MEIKIN: variants seen among roughly 807,000 people sequenced by gnomAD.
The protein encoded by MEIKIN is meiosis-specific kinetochore protein.
intron 4 of MEIKIN, among the ~76,000 whole-genome samples, chr5:131,935,205 A>G (rs1254383938): frequency 7.0e-6 from 1 of 142,806 alleles, no homozygotes; most frequent in African/African-American, 2.6e-5. Flanking sequence ...CCAAGGTGAG[A>G]GGATCATCTG....
intron 11 of MEIKIN, among the ~76,000 whole-genome samples, chr5:131,830,799 G>A (rs1342620197): frequency 6.6e-6 from 1 of 152,176 alleles, no homozygotes; most frequent in African/African-American, 2.4e-5. Flanking sequence ...ATGAGTGGAA[G>A]TCTGTTTCTT....
At chr5:131,891,543 TG>T (rs1471815366) in intron 8 of MEIKIN, among the ~76,000 whole-genome samples, 1 of 152,224 alleles carries the variant, frequency 6.6e-6, no homozygotes, top group Non-Finnish European at 1.5e-5. Flanking sequence ...TTGCAACCCC[TG>T]CCTTTTTTTG....
At chr5:131,904,583 C>T (rs1419373684) in intron 8 of MEIKIN, among the ~76,000 whole-genome samples, 3 of 152,246 alleles carry the variant, frequency 2.0e-5, no homozygotes, top group East Asian at 1.9e-4. Context: ...GACAGTGTGG[C>T]GATTCCTCAA....
chr5:131,818,466 G>C (rs1247830307), intron 12 of MEIKIN, among the ~76,000 whole-genome samples: 2 of 151,858 alleles, frequency 1.3e-5, no homozygotes, highest in Non-Finnish European at 2.9e-5. Flanking sequence ...TGTCACTCAG[G>C]CTGGAGTGCA....
intron 8 of MEIKIN, among the ~76,000 whole-genome samples, chr5:131,894,741 A>C (rs1187337995): frequency 6.6e-6 from 1 of 152,146 alleles, no homozygotes; most frequent in Non-Finnish European, 1.5e-5. Context: ...ATTTTTGCAC[A>C]TTGATTTTGT....
chr5:131,870,689 T>C (rs563533023), intron 9 of MEIKIN, among the ~76,000 whole-genome samples: 1 of 152,304 alleles, frequency 6.6e-6, no homozygotes, highest in Admixed American at 6.5e-5. Flanking sequence ...TTAACATTTC[T>C]TATTCCTTCA....
intron 11 of MEIKIN, among the ~76,000 whole-genome samples, chr5:131,845,969 C>T (rs1750011619): frequency 6.6e-6 from 1 of 152,156 alleles, no homozygotes; most frequent in African/African-American, 2.4e-5. Flanking sequence ...CTGAAAGACA[C>T]CCACACTTAT....
In MEIKIN at chr5:131,938,524, G is replaced by C. The variant is rs149877720; in HGVS notation, c.349+4111C>G. Among the ~76,000 whole-genome samples the C allele has an allele frequency of 3.7e-3, 570 of 152,238 alleles. 4 individuals are homozygous for C. Among genetic ancestry groups the C allele is most frequent in the African/African-American group, 0.013 (540 of 41,530 alleles). ...GGTTTTTTTGTAGACTTATGGAGTT[G>C]TGTCACCACTGATGCTATTTCTATC... is the stretch of plus-strand genomic sequence containing the variant. On this transcript the variant is annotated intron_variant, in intron 4 of 12. Transcript: ENST00000442687.
intron 11 of MEIKIN, among the ~76,000 whole-genome samples, chr5:131,834,659 A>T (rs560622562): frequency 2.0e-5 from 3 of 152,140 alleles, no homozygotes; most frequent in African/African-American, 7.2e-5. Context: ...TTCTTTTCTA[A>T]TAGCTGATTG....
intron 8 of MEIKIN, among the ~76,000 whole-genome samples, chr5:131,898,290 T>C (rs1260075400): frequency 6.6e-6 from 1 of 152,176 alleles, no homozygotes; most frequent in African/African-American, 2.4e-5. Flanking sequence ...ATCCTTCCTC[T>C]GGAAGCTTTG....
intron 9 of MEIKIN, among the ~76,000 whole-genome samples, chr5:131,860,738 T>C (rs920330116): frequency 1.8e-4 from 26 of 143,728 alleles, no homozygotes; most frequent in Non-Finnish European, 3.3e-4. Context: ...TGAGCCACCA[T>C]GCCCAGCCTG....
At chr5:131,821,813 T>TG (rs1749512288) in intron 11 of MEIKIN, among the ~76,000 whole-genome samples, 1 of 151,722 alleles carries the variant, frequency 6.6e-6, no homozygotes, top group Admixed American at 6.6e-5. Context: ...TTTGGAGACA[T>TG]GGGGTCTCAC....
intron 9 of MEIKIN, among the ~76,000 whole-genome samples, chr5:131,860,978 G>A (rs533739192): frequency 2.0e-5 from 3 of 150,580 alleles, no homozygotes; most frequent in African/African-American, 7.3e-5. Context: ...GGCCAGGCTG[G>A]TCTCCAACTC....
intron 11 of MEIKIN, among the ~76,000 whole-genome samples, chr5:131,843,620 G>A (rs749915709): frequency 1.3e-5 from 2 of 152,210 alleles, no homozygotes; most frequent in Non-Finnish European, 2.9e-5. Context: ...CTAAAGCATA[G>A]CAAGAGTAAC....
chr5:131,863,089 T>C (rs1466059366), intron 9 of MEIKIN, among the ~76,000 whole-genome samples: 1 of 152,214 alleles, frequency 6.6e-6, no homozygotes, highest in Admixed American at 6.5e-5. Context: ...AAGTACTGTA[T>C]AGTTTCCAAA....
At chr5:131,853,676 A>G (rs1750149853) in intron 10 of MEIKIN, among the ~76,000 whole-genome samples, 1 of 152,208 alleles carries the variant, frequency 6.6e-6, no homozygotes, top group Non-Finnish European at 1.5e-5. Flanking sequence ...AAATTCAAAA[A>G]TAAACAAAGG....
chr5:131,826,569 G>A (rs757932172), intron 11 of MEIKIN, among the ~76,000 whole-genome samples: 23 of 152,134 alleles, frequency 1.5e-4, no homozygotes, highest in Non-Finnish European at 3.1e-4. Context: ...GTTTGGCTCT[G>A]TGTCCCACCC....
At position 131,867,829 on chromosome 5, in the gene MEIKIN, T is replaced by C. The variant is rs540002274; in HGVS notation, c.774+11149A>G. ...TTGGAAATTATGAAAACAGTTGCTA[T>C]AAACGTTCAGGTGCATACTTTGTGT... is the stretch of plus-strand genomic sequence containing the variant. On this transcript the variant is annotated intron_variant, in intron 9 of 12. Coordinates refer to ENST00000442687, the MANE Select transcript of MEIKIN (RefSeq NM_001303622.2). 3.3e-5 allele frequency among the ~76,000 whole-genome samples: 5 copies of C among 152,360 alleles called. No individual in the cohort carries two copies. In the South Asian group the frequency reaches 1.0e-3, roughly 32 times the overall value.
At chr5:131,929,554 TA>T (rs1375993451) in intron 5 of MEIKIN, among the ~76,000 whole-genome samples, 13 of 152,268 alleles carry the variant, frequency 8.5e-5, no homozygotes, top group South Asian at 4.1e-4. Context: ...ATTTTAGATA[TA>T]GGGGGTACAG....
Sources: allele counts gnomAD v4.1 joint callset (sites outside exome capture counted in the v4.1 genomes callset), GRCh38; gene constraint gnomAD v4.1.1; transcripts MANE v1.5; gene names NCBI Gene and HGNC (gene_info 2026-07-23, HGNC 2026-07-21).